The following TTC9C variants were observed in gnomAD, a reference collection of about 807,000 sequenced individuals.
TTC9C encodes tetratricopeptide repeat domain 9C, also known as tetratricopeptide repeat protein 9C.
A neutral mutation model predicts 22.5 loss-of-function variants in TTC9C; 15 were observed. The ratio of observed to expected loss-of-function variants is 0.67; its 90% CI spans 0.45 to 1.03. The LOEUF is 1.03. Ranked by LOEUF, TTC9C falls within the 50% of genes least tolerant of loss-of-function variation. The pLI is 0.00. For missense variants in TTC9C, 244 were observed against 214.6 expected, an observed-to-expected ratio of 1.14 and a Z score of -0.86; for synonymous variants, 92 against 86.8, an observed-to-expected ratio of 1.06 and a Z score of -0.33.
chr11:62,729,408 T>TTTTATTTTATTTTA (rs200747333), intron 1 of TTC9C, among the ~76,000 whole-genome samples: 1 of 137,864 alleles, frequency 7.3e-6, no homozygotes, highest in Non-Finnish European at 1.6e-5. Flanking sequence ...TTTTATTTTA[T>TTTTATTTTATTTTA]TTTTTTTTGA....
At position 62,728,716 on chromosome 11, in the gene TTC9C, G is replaced by A. The variant is rs1167689571; in HGVS notation, c.-133G>A. On this transcript the variant is annotated 5_prime_UTR_variant, in exon 1 of 3. Coordinates refer to ENST00000316461, the MANE Select transcript of TTC9C (RefSeq NM_173810.4). Reference sequence around the variant, plus strand: ...ACAAGCAAACCGCAGGTCCCTGTGGGGGGACTCTCCAGGAAGAAGGGTAAT... The same window carrying A: ...ACAAGCAAACCGCAGGTCCCTGTGGAGGGACTCTCCAGGAAGAAGGGTAAT... 2.3e-6 allele frequency: 2 copies of A among 858,648 alleles called. No individual in the cohort carries two copies. Among genetic ancestry groups the A allele is most frequent in the Non-Finnish European group, 3.8e-6 (2 of 522,864 alleles). 53.2% of individuals were successfully genotyped at this position (858,648 alleles called of 1,614,324 possible).
intron 1 of TTC9C, among the ~76,000 whole-genome samples, chr11:62,730,259 A>G (rs971627593): frequency 2.0e-5 from 3 of 152,004 alleles, no homozygotes; most frequent in Non-Finnish European, 2.9e-5. Context: ...TATTTTTAGT[A>G]GAAACGGGGT....
chr11:62,735,470 G>C lies in TTC9C; in HGVS notation c.327G>C (p.Lys109Asn), dbSNP rs1425099437. The C allele has an allele frequency of 6.2e-7, 1 of 1,614,132 alleles. No individual in the cohort carries two copies. Among genetic ancestry groups the C allele is most frequent in the South Asian group, 1.1e-5 (1 of 91,086 alleles). Residue 109 changes from lysine (K) to asparagine (N), a missense_variant, in exon 2 of 3, where the codon AAG becomes AAC. Physicochemically the swap from Lys to Asn is moderately conservative, Grantham distance 94. Coordinates refer to ENST00000316461, the MANE Select transcript of TTC9C (RefSeq NM_173810.4). Reference protein sequence around the residue: ...KVLERQPDNAKALYRAGVAFF... With the variant: ...KVLERQPDNANALYRAGVAFF... ...TGGAACGACAGCCTGATAATGCCAA[G>C]GCCTTGTATCGGGCCGGAGTGGCCT...
chr11:62,733,648 G>C (rs1175015657), intron 1 of TTC9C, among the ~76,000 whole-genome samples: 3 of 151,554 alleles, frequency 2.0e-5, no homozygotes, highest in Admixed American at 6.6e-5. Flanking sequence ...CCATAACCCA[G>C]GCTGGAGTGC....
At chr11:62,735,355 C>T in intron 1 of TTC9C, 27 bp from the exon 2 acceptor site, 1 of 1,611,114 alleles carries the variant, frequency 6.2e-7, no homozygotes, top group Non-Finnish European at 8.5e-7. Context: ...CCTCCTACCT[C>T]TTCTCTCTTT....
chr11:62,728,810 C>CT lies in TTC9C; in HGVS notation c.-37dup. On this transcript the variant is annotated 5_prime_UTR_variant, in exon 1 of 3. Coordinates refer to ENST00000316461, the MANE Select transcript of TTC9C (RefSeq NM_173810.4). The stretch of plus-strand genomic sequence containing the variant: ...CCCAACCCCAGAGCTTCACTTGCTC[C>CT]TTCACTTCCCAGTTCCGCAAGAACC... 4 of 1,606,310 alleles carry CT rather than the reference C, an allele frequency of 2.5e-6. No homozygotes were observed. In the East Asian group the frequency reaches 8.9e-5, roughly 36 times the overall value.
chr11:62,733,198 AG>A, intron 1 of TTC9C: 1 of 1,275,870 alleles, frequency 7.8e-7, no homozygotes, highest in South Asian at 1.3e-5. Context: ...ACTCCTCTGC[AG>A]GTTTGTATTT....
In TTC9C at chr11:62,738,367, G is replaced by A. The variant is rs1274497068; in HGVS notation, c.501G>A (p.Leu167=). 6.2e-7 allele frequency: 1 copy of A among 1,610,798 alleles called. No individual in the cohort carries two copies. The highest frequency in any genetic ancestry group is 1.1e-5 in the South Asian group (1 of 90,604). The change falls in exon 3 of 3, where the codon CTG becomes CTA. Residue 167 remains leucine, a synonymous_variant. Transcript: ENST00000316461. ...ATAGAAAAGAGAAGCAGCTCTACCT[G>A]GGCATGTTTGGTTAACAAAGAAGAA... is the stretch of plus-strand genomic sequence containing the variant. ...SYHRKEKQLY[L]GMFG is the part of the protein sequence containing the mutation.
At chr11:62,736,996 G>A (rs953614732) in intron 2 of TTC9C, among the ~76,000 whole-genome samples, 6 of 151,938 alleles carry the variant, frequency 3.9e-5, no homozygotes, top group Non-Finnish European at 8.8e-5. Context: ...CCAGGAGTTC[G>A]AGACCATCCT....
chr11:62,728,185 C>T (rs2083785983), upstream of TTC9C: 2 of 285,864 alleles, frequency 7.0e-6, no homozygotes, highest in Admixed American at 4.9e-5. Flanking sequence ...ACCCTTTCCT[C>T]TCCTTGCTCC....
chr11:62,728,941 C>T lies in TTC9C; in HGVS notation c.93C>T (p.Tyr31=), dbSNP rs1268827157. The change falls in exon 1 of 3, where the codon TAC becomes TAT. Residue 31 remains tyrosine, a synonymous_variant. Transcript: ENST00000316461. ...AGTACCGAGATGCTGTGAGTAGGTA[C>T]CATCGAGCTCTGCTTCAGCTGCGGG... ...EGKYRDAVSR[Y]HRALLQLRGL... 3 of 1,614,146 alleles carry T rather than the reference C, an allele frequency of 1.9e-6. No individual in the cohort carries two copies. Among genetic ancestry groups the T allele is most frequent in the Non-Finnish European group, 2.5e-6 (3 of 1,180,018 alleles).
At chr11:62,729,891 A>G (rs535250734) in intron 1 of TTC9C, among the ~76,000 whole-genome samples, 1 of 152,232 alleles carries the variant, frequency 6.6e-6, no homozygotes, top group South Asian at 2.1e-4. Context: ...TTGCATTTCT[A>G]ACAGCCTTCT....
rs756057341 is a variant in TTC9C, at chr11:62,728,543, C to G, written c.-306C>G. 9.5e-5 allele frequency: 49 copies of G among 514,218 alleles called. No homozygotes were observed. The highest frequency in any genetic ancestry group is 5.0e-4 in the African/African-American group (26 of 52,248). 31.9% of individuals were successfully genotyped at this position (514,218 alleles called of 1,614,324 possible). ...TCCTGAGTAGGGCCTTGCTTGAGTT[C>G]TTCGGAAAGTCTCATCCACCCCCAC... is the stretch of plus-strand genomic sequence containing the variant. On this transcript the variant is annotated 5_prime_UTR_variant, in exon 1 of 3. Transcript: ENST00000316461.
chr11:62,729,227 A>G (rs1241105357), intron 1 of TTC9C, 141 bp downstream of exon 1: 11 of 751,768 alleles, frequency 1.5e-5, no homozygotes, highest in African/African-American at 1.8e-5. Context: ...TAACCTGTCA[A>G]TCTGTGCGGC....
rs1004511811 is a variant in TTC9C at position 62,728,701 on chromosome 11, C to T, written c.-148C>T. 7.7e-6 allele frequency: 6 copies of T among 782,958 alleles called. No homozygotes were observed. The highest frequency in any genetic ancestry group is 1.3e-5 in the Non-Finnish European group (6 of 456,488). 48.5% of individuals were successfully genotyped at this position (782,958 alleles called of 1,614,324 possible). A position where few individuals can be genotyped will look rare whatever the true frequency, so the allele number is the denominator to read the frequency against. On this transcript the variant is annotated 5_prime_UTR_variant, in exon 1 of 3. Coordinates refer to ENST00000316461, the MANE Select transcript of TTC9C (RefSeq NM_173810.4). ...GGGCTTTCAGTAGAAACAAGCAAAC[C>T]GCAGGTCCCTGTGGGGGGACTCTCC...
intron 1 of TTC9C, among the ~76,000 whole-genome samples, chr11:62,735,084 G>T (rs991896992): frequency 4.6e-5 from 7 of 151,924 alleles, no homozygotes; most frequent in African/African-American, 1.7e-4. Context: ...CAGTAGAGAC[G>T]GGGTTTCTCC....
chr11:62,736,106 G>GTA (rs1565173021), intron 2 of TTC9C: 2 of 149,350 alleles, frequency 1.3e-5, no homozygotes, highest in African/African-American at 4.9e-5. Context: ...GCATGGTGGC[G>GTA]CATGCCTGTA....
At chr11:62,737,868 T>C (rs1209201130) in intron 2 of TTC9C, among the ~76,000 whole-genome samples, 1 of 151,946 alleles carries the variant, frequency 6.6e-6, no homozygotes, top group Non-Finnish European at 1.5e-5. Context: ...CCATCTCTAC[T>C]AAAAATACAA....
Position 62,735,305 on chromosome 11 carries a change from A to G in TTC9C, c.239-77A>G, listed in dbSNP as rs549888360. The G allele has an allele frequency of 1.6e-5, 25 of 1,561,204 alleles. No individual in the cohort carries two copies. In the South Asian group the frequency reaches 1.8e-4, roughly 11 times the overall value. ...GAATGTTGTTACCACCCTGTTCAGTACTGTCTTGAGCTGGCCAGTGGAACC... is the reference window on the plus strand; with the variant it reads ...GAATGTTGTTACCACCCTGTTCAGTGCTGTCTTGAGCTGGCCAGTGGAACC... On this transcript the variant is annotated intron_variant, in intron 1 of 2. Coordinates refer to ENST00000316461, the MANE Select transcript of TTC9C (RefSeq NM_173810.4).
Sources: gnomAD v4.1 joint callset for allele counts (sites outside exome capture counted in the v4.1 genomes callset) on GRCh38, gnomAD v4.1.1 for gene constraint, MANE v1.5 for transcripts, NCBI Gene and HGNC (gene_info 2026-07-23, HGNC 2026-07-21) for gene names.